Variants in COPS4 observed in about 807,000 individuals in gnomAD.
COPS4 encodes COP9 signalosome complex subunit 4.
COPS4 carries 8 observed loss-of-function variants against 55.1 expected under a neutral mutation model. The observed-to-expected ratio is 0.15, with a 90% confidence interval of 0.09 to 0.26. COPS4 has a LOEUF of 0.26. Among genes scored for constraint, COPS4 ranks in the 10% least tolerant of loss-of-function variants. COPS4 has a pLI of 1.00. For missense variants in COPS4, 248 were observed against 484.0 expected (o/e 0.51, Z 4.58); for synonymous variants, 185 against 165.7 (o/e 1.12, Z -0.90).
At chr4:83,070,147 A>G (rs1731385610) in intron 9 of COPS4, among the ~76,000 whole-genome samples, 1 of 152,108 alleles carries the variant, frequency 6.6e-6, no homozygotes, top group Admixed American at 6.6e-5. Context: ...TTTTCCTCTT[A>G]TATCTCCAGC....
intron 1 of COPS4, among the ~76,000 whole-genome samples, chr4:83,040,329 G>C (rs1226355154): frequency 6.6e-6 from 1 of 152,148 alleles, no homozygotes; most frequent in African/African-American, 2.4e-5. Flanking sequence ...CGTTTTGGTT[G>C]TTGCGATTGT....
At position 83,066,400 on chromosome 4, in the gene COPS4, C is replaced by G. The variant is rs138043826; in HGVS notation, c.887-38C>G. On this transcript the variant is annotated intron_variant, in intron 7 of 9. Transcript: ENST00000264389. ...TGATGCATCTTTTTAGAGTATAAAACTAGTTTCAAACTTGTAACTGTCTTA... is the reference window on the plus strand; with the variant it reads ...TGATGCATCTTTTTAGAGTATAAAAGTAGTTTCAAACTTGTAACTGTCTTA... The G allele has an allele frequency of 1.9e-4, 200 of 1,036,282 alleles. No homozygotes were observed. In the African/African-American group the frequency reaches 2.9e-3, roughly 15 times the overall value. The allele number at this position is 1,036,282 out of a possible 1,614,324, so 64.2% of individuals were successfully genotyped here. A position where few individuals can be genotyped will look rare whatever the true frequency, so the allele number is the denominator to read the frequency against.
Position 83,049,961 on chromosome 4 carries a change from A to C in COPS4, c.387A>C (p.Gly129=). 1.2e-6 allele frequency: 2 copies of C among 1,610,152 alleles called. No homozygotes were observed. Among genetic ancestry groups the C allele is most frequent in the Non-Finnish European group, 1.7e-6 (2 of 1,177,596 alleles). Residue 129 remains glycine, a synonymous_variant, in exon 4 of 10, where the codon GGA becomes GGC. Coordinates refer to ENST00000264389, the MANE Select transcript of COPS4 (RefSeq NM_016129.3). The part of the protein sequence containing the change: ...DWRNAAQVLV[G]IPLETGQKQY... The stretch of plus-strand genomic sequence containing the variant: ...GAAATGCAGCCCAAGTGTTGGTGGG[A>C]ATTCCTTTGGAAACAGGACAAAAGT...
chr4:83,073,118 A>C (rs940319862), intron 9 of COPS4: 2 of 518,596 alleles, frequency 3.9e-6, no homozygotes, highest in African/African-American at 3.8e-5. Context: ...TACAACCTCT[A>C]TCTCTGTCTA....
chr4:83,072,473 C>G (rs1731460566), intron 9 of COPS4, among the ~76,000 whole-genome samples: 2 of 152,170 alleles, frequency 1.3e-5, no homozygotes, highest in African/African-American at 4.8e-5. Context: ...TTTTTGCACT[C>G]AAATAGGTCA....
intron 1 of COPS4, 38 bp from the exon 2 acceptor site, chr4:83,045,588 T>C: frequency 8.8e-6 from 13 of 1,484,266 alleles, no homozygotes; most frequent in Non-Finnish European, 1.2e-5. Flanking sequence ...GAAAATATAG[T>C]ACCCTCAGAA....
chr4:83,075,385 A>C lies in COPS4; in HGVS notation c.1176A>C (p.Ala392=). 1 of 1,614,176 alleles carries C rather than the reference A, an allele frequency of 6.2e-7. No homozygotes were observed. Residue 392 remains alanine, a synonymous_variant, in exon 10 of 10, where the codon GCA becomes GCC. Transcript: ENST00000264389. ...TTTTGGAGAAAATTAGTCAAACAGC[A>C]CCAGAATGGACAGCACAAGCCATGG... ...NNLLEKISQT[A]PEWTAQAMEA... is the part of the protein sequence containing the mutation.
intron 1 of COPS4, among the ~76,000 whole-genome samples, chr4:83,043,518 C>CAA (rs34480105): frequency 0.029 from 511 of 17,612 alleles, 64 homozygotes; most frequent in Non-Finnish European, 0.04. Flanking sequence ...GACCCTGTCT[C>CAA]AAAAAAAAAA....
intron 6 of COPS4, among the ~76,000 whole-genome samples, chr4:83,060,350 A>AT (rs376935134): frequency 0.018 from 2,203 of 121,396 alleles, 72 homozygotes; most frequent in African/African-American, 0.064. Context: ...CGCGCAGCTA[A>AT]TTTTTTTTTT....
chr4:83,042,589 A>AT lies in COPS4; in HGVS notation c.75-3028dup, dbSNP rs375434706. On this transcript the variant is annotated intron_variant, in intron 1 of 9. Transcript: ENST00000264389. ...CCACCACAGCTGGCTAATTTTTGTA[A>AT]TTTTTTTTTATTTTTAAAATTTTTA... Among the ~76,000 whole-genome samples the AT allele has an allele frequency of 6.5e-3, 967 of 149,396 alleles. 10 individuals are homozygous for AT. The highest frequency in any genetic ancestry group is 0.022 in the African/African-American group (914 of 40,740).
chr4:83,049,107 T>C, intron 2 of COPS4, 59 bp from the exon 3 acceptor site: 1 of 1,488,392 alleles, frequency 6.7e-7, no homozygotes, highest in Non-Finnish European at 9.1e-7. Context: ...TAAAGGTTGA[T>C]TGTTTAATGA....
Position 83,075,509 on chromosome 4 carries a change from A to G in COPS4, c.*79A>G. 6.6e-7 allele frequency: 1 copy of G among 1,514,694 alleles called. No homozygotes were observed. Among genetic ancestry groups the G allele is most frequent in the Non-Finnish European group, 9.1e-7 (1 of 1,103,298 alleles). The allele number at this position is 1,514,694 out of a possible 1,614,324, so 93.8% of individuals were successfully genotyped here. On this transcript the variant is annotated 3_prime_UTR_variant, in exon 10 of 10. Transcript: ENST00000264389. ...GTTTCACTATCTCCAAAGCATTTGC[A>G]TCATGACCTTATACATTTCAATCCC...
rs913109858 is a variant in COPS4 at position 83,056,774 on chromosome 4, G to C, written c.411-152G>C. Reference sequence around the variant, plus strand: ...ATATTGCACCACTGCACTCCAGCCTGGGCGACAGAGCAAGACTCCATCTCA... The same window carrying C: ...ATATTGCACCACTGCACTCCAGCCTCGGCGACAGAGCAAGACTCCATCTCA... On this transcript the variant is annotated intron_variant, in intron 4 of 9. Transcript: ENST00000264389. 3 of 567,534 alleles carry C rather than the reference G, an allele frequency of 5.3e-6. No homozygotes were observed. In the African/African-American group the frequency reaches 5.8e-5, roughly 11 times the overall value. The allele number at this position is 567,534 out of a possible 1,614,324, so 35.2% of individuals were successfully genotyped here.
At chr4:83,051,034 G>T (rs1189564949) in intron 4 of COPS4, among the ~76,000 whole-genome samples, 3 of 149,754 alleles carry the variant, frequency 2.0e-5, no homozygotes, top group African/African-American at 7.4e-5. Context: ...TGAGGTGGGA[G>T]AAGATTGCTT....
intron 9 of COPS4, among the ~76,000 whole-genome samples, chr4:83,072,874 T>G (rs1222442374): frequency 6.6e-6 from 1 of 152,184 alleles, no homozygotes; most frequent in Non-Finnish European, 1.5e-5. Context: ...CCTTTTTTTT[T>G]GTTAAATTGA....
In COPS4 at chr4:83,035,224, G is replaced by A. The variant is rs1578698326; in HGVS notation, c.-1G>A. 2 of 1,565,998 alleles carry A rather than the reference G, an allele frequency of 1.3e-6. No individual in the cohort carries two copies. Among genetic ancestry groups the A allele is most frequent in the East Asian group, 2.4e-5 (1 of 42,172 alleles). On this transcript the variant is annotated 5_prime_UTR_variant, in exon 1 of 10. Transcript: ENST00000264389. ...GCATCCACCGCTGAGCTGGGAGAAA[G>A]ATGGCGGCAGCCGTGCGACAGGATT...
intron 9 of COPS4, among the ~76,000 whole-genome samples, chr4:83,071,945 C>T (rs1321587440): frequency 2.0e-5 from 3 of 152,052 alleles, no homozygotes; most frequent in African/African-American, 7.2e-5. Context: ...CTCATGACCT[C>T]GTGATCCGCC....
intron 4 of COPS4, among the ~76,000 whole-genome samples, chr4:83,054,056 T>C (rs1730956074): frequency 6.6e-6 from 1 of 151,578 alleles, no homozygotes; most frequent in South Asian, 2.1e-4. Flanking sequence ...CTTAAAAATA[T>C]CTTTGGCCAG....
intron 6 of COPS4, 70 bp downstream of exon 6, chr4:83,057,478 TG>T: frequency 7.5e-7 from 1 of 1,334,968 alleles, no homozygotes; most frequent in Non-Finnish European, 1.0e-6. Context: ...TGGTTACTGT[TG>T]GAAAATTTAG....
Sources: gnomAD v4.1 joint callset for allele counts (sites outside exome capture counted in the v4.1 genomes callset) on GRCh38, gnomAD v4.1.1 for gene constraint, MANE v1.5 for transcripts, NCBI Gene and HGNC (gene_info 2026-07-23, HGNC 2026-07-21) for gene names.